TMEM229B: variants seen among roughly 807,000 people sequenced by gnomAD.
TMEM229B encodes chromosome 14 open reading frame 83.
In TMEM229B, 6 loss-of-function variants were observed where a neutral mutation model predicts 13.7. That is an observed-to-expected ratio of 0.44 (90% CI 0.24 to 0.86). The LOEUF is 0.86. Ranked by LOEUF, TMEM229B falls within the 40% of genes least tolerant of loss-of-function variation. The probability of loss-of-function intolerance (pLI) is 0.23; values close to 1 mark genes in which losing one functional copy is unlikely to be tolerated. For missense variants in TMEM229B, 170 were observed against 236.0 expected (o/e 0.72, Z 1.83); for synonymous variants, 107 against 102.1 (o/e 1.05, Z -0.29).
chr14:67,486,553 G>A (rs1007055802), intron 2 of TMEM229B, among the ~76,000 whole-genome samples: 10 of 152,180 alleles, frequency 6.6e-5, no homozygotes, highest in South Asian at 4.1e-4. Flanking sequence ...GATTACAGGC[G>A]TGAGCCACAG....
intron 2 of TMEM229B, among the ~76,000 whole-genome samples, chr14:67,477,849 C>T (rs1014796287): frequency 3.3e-5 from 5 of 152,174 alleles, no homozygotes; most frequent in Admixed American, 2.6e-4. Context: ...CAATTAATGG[C>T]ACCACCATGC....
At chr14:67,480,356 C>G (rs1377041709) in intron 2 of TMEM229B, among the ~76,000 whole-genome samples, 1 of 152,114 alleles carries the variant, frequency 6.6e-6, no homozygotes, top group African/African-American at 2.4e-5. Flanking sequence ...CTCAGGAGAA[C>G]AAAACTCCCA....
intron 1 of TMEM229B, among the ~76,000 whole-genome samples, chr14:67,502,717 G>T (rs927436213): frequency 2.0e-5 from 3 of 152,084 alleles, no homozygotes; most frequent in Non-Finnish European, 4.4e-5. Context: ...CTCCCAAAGT[G>T]CTGGGATTAT....
intron 1 of TMEM229B, among the ~76,000 whole-genome samples, chr14:67,505,510 G>A (rs908878332): frequency 2.0e-5 from 3 of 152,076 alleles, no homozygotes; most frequent in Non-Finnish European, 4.4e-5. Flanking sequence ...GGTTCACTGT[G>A]CCCAGGGATG....
At chr14:67,484,485 C>G (rs1415223202) in intron 2 of TMEM229B, among the ~76,000 whole-genome samples, 1 of 152,216 alleles carries the variant, frequency 6.6e-6, no homozygotes, top group African/African-American at 2.4e-5. Context: ...GTGCTCACAG[C>G]TGAAATTTAA....
intron 1 of TMEM229B, among the ~76,000 whole-genome samples, chr14:67,500,588 T>G (rs78153600): frequency 6.6e-6 from 1 of 151,568 alleles, no homozygotes; most frequent in African/African-American, 2.4e-5. Flanking sequence ...TTTTTTTTTT[T>G]TGAGATGGAG....
rs201077510 is a variant in TMEM229B, at chr14:67,476,876, AG to A, written c.-18-2936del. On this transcript the variant is annotated intron_variant, in intron 2 of 2. Transcript: ENST00000554480. ...CACAGTGGCTCACGCCTGTAATCCC[AG>A]CACTTTGGGAGGCGGAGATGGGCAG... Among the ~76,000 whole-genome samples, 907 of 152,304 alleles carry A rather than the reference AG, an allele frequency of 6.0e-3. 3 individuals are homozygous for A. The highest frequency in any genetic ancestry group is 0.02 in the African/African-American group (834 of 41,554).
chr14:67,528,096 CAGAT>C (rs1490282860), intron 1 of TMEM229B, among the ~76,000 whole-genome samples: 2 of 152,138 alleles, frequency 1.3e-5, no homozygotes, highest in East Asian at 1.9e-4. Flanking sequence ...GGTGGGGACT[CAGAT>C]AGATTGGAGT....
At chr14:67,533,834 C>G (rs1185214554), upstream of TMEM229B, 2 of 152,112 alleles carry the variant, frequency 1.3e-5, no homozygotes, top group Non-Finnish European at 2.9e-5. Flanking sequence ...CTCCTAGGAG[C>G]AGGTCATTCA....
At position 67,529,613 on chromosome 14, in the gene TMEM229B, T is replaced by G. The variant is rs1402117632; in HGVS notation, c.-192+4023A>C. ...CCACTGGGCCATTTCCTTTCCTTCC[T>G]AACTGGCCCTTCTCTGCATGTCCAA... On this transcript the variant is annotated intron_variant, in intron 1 of 2. Transcript: ENST00000554278. Among the ~76,000 whole-genome samples the G allele has an allele frequency of 3.3e-5, 5 of 152,270 alleles. No individual in the cohort carries two copies. In the East Asian group the frequency reaches 5.8e-4, roughly 18 times the overall value.
At chr14:67,474,475 G>A (rs1473958472) in intron 2 of TMEM229B, among the ~76,000 whole-genome samples, 2 of 152,076 alleles carry the variant, frequency 1.3e-5, no homozygotes, top group Non-Finnish European at 2.9e-5. Flanking sequence ...TATCCACTGG[G>A]GACCCCATTT....
chr14:67,530,779 T>C (rs1158252001), intron 1 of TMEM229B, among the ~76,000 whole-genome samples: 2 of 152,218 alleles, frequency 1.3e-5, no homozygotes, highest in African/African-American at 4.8e-5. Flanking sequence ...AACTGCCCCA[T>C]TTTCTTGAAG....
Position 67,533,022 on chromosome 14 carries a change from G to T in TMEM229B, c.-192+614C>A, listed in dbSNP as rs113999089. 6.3e-3 allele frequency among the ~76,000 whole-genome samples: 952 copies of T among 152,172 alleles called. 11 individuals carry two copies. Among genetic ancestry groups the T allele is most frequent in the African/African-American group, 0.021 (889 of 41,528 alleles). On this transcript the variant is annotated intron_variant, in intron 1 of 2. Transcript: ENST00000554278. ...CCGCCCTCCCTGCCGCCCCAGGGAC[G>T]AGCCCAGCGGTGCGGAGAAGTGGGA...
intron 1 of TMEM229B, among the ~76,000 whole-genome samples, chr14:67,506,679 G>C (rs949418646): frequency 6.6e-6 from 1 of 152,118 alleles, no homozygotes; most frequent in Non-Finnish European, 1.5e-5. Context: ...AGAATCCAAG[G>C]GTCCTTAGAA....
At chr14:67,526,957 A>G (rs72721018) in intron 1 of TMEM229B, among the ~76,000 whole-genome samples, 18,989 of 152,224 alleles carry the variant, frequency 0.12, 1,545 homozygotes, top group Non-Finnish European at 0.19. Context: ...CTGACCATCA[A>G]GGGAGATAAT....
At chr14:67,480,384 T>C (rs1210973609) in intron 2 of TMEM229B, among the ~76,000 whole-genome samples, 1 of 152,088 alleles carries the variant, frequency 6.6e-6, no homozygotes, top group Admixed American at 6.5e-5. Context: ...CCCGGGAGAC[T>C]GAAGGTGAGC....
chr14:67,500,565 G>A (rs1316529979), intron 1 of TMEM229B, among the ~76,000 whole-genome samples: 1 of 149,040 alleles, frequency 6.7e-6, no homozygotes, highest in African/African-American at 2.5e-5. Context: ...TTTTCCATGT[G>A]CATTTGGATT....
At chr14:67,508,507 C>T (rs2032909634) in intron 1 of TMEM229B, among the ~76,000 whole-genome samples, 1 of 152,098 alleles carries the variant, frequency 6.6e-6, no homozygotes, top group Non-Finnish European at 1.5e-5. Context: ...CATACAGCCT[C>T]ACGCTAGCTC....
chr14:67,473,754 A>C lies in TMEM229B; in HGVS notation c.170T>G (p.Ile57Ser). The C allele has an allele frequency of 1.9e-6, 3 of 1,613,614 alleles. No homozygotes were observed. The highest frequency in any genetic ancestry group is 2.5e-6 in the Non-Finnish European group (3 of 1,179,834). The change falls in exon 3 of 3, where the codon ATC (isoleucine) becomes AGC (serine). Residue 57 changes from isoleucine to serine, a missense_variant. Around this residue, in one of 4 missense-constraint regions of TMEM229B, gnomAD observed 36 missense variants for 83.8 expected, o/e 0.43. Coordinates refer to ENST00000554480, the MANE Select transcript of TMEM229B (RefSeq NM_001348543.2). The surrounding 1 kb of genome is among the most constrained non-coding windows in gnomAD (Gnocchi z 6.5). ...CAGGTACATGCGCTCCACGATGAGGATGGAGGTGCCGTAGATGAAGAGGGC... is the reference window on the plus strand; with the variant it reads ...CAGGTACATGCGCTCCACGATGAGGCTGGAGGTGCCGTAGATGAAGAGGGC... ...VWALFIYGTS[I>S]LIVERMYLRL...
Sources: gnomAD v4.1 joint callset for allele counts (sites outside exome capture counted in the v4.1 genomes callset) on GRCh38, gnomAD v4.1.1 for gene constraint, gnomAD v4.1.1 regional missense constraint, Gnocchi (gnomAD v3.1) non-coding constraint, MANE v1.5 for transcripts, NCBI Gene and HGNC (gene_info 2026-07-23, HGNC 2026-07-21) for gene names.